ANK2: variants seen among roughly 807,000 people sequenced by gnomAD.
ANK2 encodes the protein ankyrin-2.
A neutral mutation model predicts 360.5 loss-of-function variants in ANK2; 83 were observed. That is an observed-to-expected ratio of 0.23 (90% CI 0.19 to 0.28). The LOEUF (loss-of-function observed/expected upper bound fraction) is 0.28, where lower values mean the gene tolerates loss of function less well. Ranked by LOEUF, ANK2 falls within the 10% of genes least tolerant of loss-of-function variation. The pLI is 1.00. For missense variants in ANK2, 4,201 were observed against 4,795.7 expected (o/e 0.88, Z 3.66); for synonymous variants, 1,740 against 1,759.5 (o/e 0.99, Z 0.28).
intron 1 of ANK2, among the ~76,000 whole-genome samples, chr4:113,094,125 A>G (rs991183313): frequency 1.1e-4 from 16 of 152,224 alleles, no homozygotes; most frequent in African/African-American, 3.9e-4. Context: ...CAGCCAACAC[A>G]TTGAATAAAT....
At chr4:113,017,649 C>T (rs752686556) in intron 2 of ANK2, among the ~76,000 whole-genome samples, 108 of 152,148 alleles carry the variant, frequency 7.1e-4, no homozygotes, top group Admixed American at 9.8e-4. Context: ...ATCATTCACA[C>T]GCAGAATTTT....
intron 1 of ANK2, chr4:112,826,791 T>C: frequency 9.6e-7 from 1 of 1,044,458 alleles, no homozygotes; most frequent in South Asian, 1.4e-5. Context: ...TAAAATTCTG[T>C]TGCTTCAAGC....
chr4:112,884,396 T>G (rs2077668149), intron 1 of ANK2, among the ~76,000 whole-genome samples: 1 of 152,190 alleles, frequency 6.6e-6, no homozygotes, highest in African/African-American at 2.4e-5. Flanking sequence ...ATAGACAATA[T>G]GCAAACAAAT....
intron 41 of ANK2, among the ~76,000 whole-genome samples, chr4:113,365,998 C>G (rs1261217520): frequency 1.3e-5 from 2 of 152,150 alleles, no homozygotes; most frequent in Non-Finnish European, 2.9e-5. Context: ...CTGCAAGTAT[C>G]CCTTTTGGCT....
At chr4:113,376,802 G>GTTTTT (rs36011726) in intron 45 of ANK2, among the ~76,000 whole-genome samples, 24 of 114,170 alleles carry the variant, frequency 2.1e-4, no homozygotes, top group East Asian at 5.1e-4. Flanking sequence ...ACTTTTTAAG[G>GTTTTT]TTTTTTTTTT....
At chr4:112,730,503 G>C in the ANK2 span, among the ~76,000 whole-genome samples, 4 of 150,512 alleles carry the variant, frequency 2.7e-5, no homozygotes, top group African/African-American at 9.8e-5. Flanking sequence ...TGGGTATGGT[G>C]GTGGGCACCA....
the ANK2 span, chr4:112,788,194 G>A: frequency 1.1e-5 from 18 of 1,586,394 alleles, no homozygotes; most frequent in Admixed American, 3.3e-5. Context: ...AGATCTCATC[G>A]TATCTGTCAT....
At chr4:113,306,894 G>A (rs1250421175) in intron 23 of ANK2, among the ~76,000 whole-genome samples, 1 of 152,182 alleles carries the variant, frequency 6.6e-6, no homozygotes, top group Non-Finnish European at 1.5e-5. Context: ...GGAAAAGACA[G>A]AAATGGGAAT....
chr4:112,922,416 C>T (rs1472419021), intron 2 of ANK2, among the ~76,000 whole-genome samples: 1 of 152,160 alleles, frequency 6.6e-6, no homozygotes, highest in Non-Finnish European at 1.5e-5. Context: ...TATTTACCAA[C>T]GATGAAATCC....
intron 1 of ANK2, among the ~76,000 whole-genome samples, chr4:113,139,739 C>T (rs13104234): frequency 0.51 from 77,165 of 151,946 alleles, 19,816 homozygotes; most frequent in Admixed American, 0.59. Context: ...TTGGGCATTG[C>T]GTGGAGTAGC....
chr4:113,058,122 TCACTTCTG>T (rs529270077), intron 1 of ANK2, among the ~76,000 whole-genome samples: 2 of 152,234 alleles, frequency 1.3e-5, no homozygotes, highest in South Asian at 4.1e-4. Flanking sequence ...ACCAACCATT[TCACTTCTG>T]GCCACCTTTC....
At chr4:113,049,595 T>C, upstream of ANK2, 1 of 1,507,704 alleles carries the variant, frequency 6.6e-7, no homozygotes, top group Admixed American at 2.0e-5. Flanking sequence ...TCACCGTCCT[T>C]ACCCTCCCAG....
At chr4:113,312,322 G>A (rs1176816380) in intron 24 of ANK2, among the ~76,000 whole-genome samples, 2 of 151,820 alleles carry the variant, frequency 1.3e-5, no homozygotes, top group African/African-American at 4.8e-5. Flanking sequence ...TCCACGTAGT[G>A]TAATGTGTTC....
intron 1 of ANK2, chr4:113,160,235 A>C (rs934512487): frequency 7.3e-6 from 2 of 274,344 alleles, no homozygotes; most frequent in Non-Finnish European, 1.4e-5. Context: ...GAAACTTAAA[A>C]AAATTAATAA....
chr4:113,118,694 T>C (rs904073157), intron 1 of ANK2, among the ~76,000 whole-genome samples: 3 of 152,210 alleles, frequency 2.0e-5, no homozygotes, highest in African/African-American at 7.2e-5. Flanking sequence ...TTAATTCTTT[T>C]TTTTAGTATC....
At chr4:112,940,678 C>A (rs1340166161) in intron 2 of ANK2, among the ~76,000 whole-genome samples, 2 of 152,122 alleles carry the variant, frequency 1.3e-5, no homozygotes, top group Admixed American at 6.6e-5. Context: ...TGAACCATAA[C>A]TACAATGCTA....
chr4:112,724,316 C>T, the ANK2 span, among the ~76,000 whole-genome samples: 1 of 152,082 alleles, frequency 6.6e-6, no homozygotes, highest in Non-Finnish European at 1.5e-5. Context: ...CCGCCGCCCT[C>T]GGCCTCTCAA....
intron 20 of ANK2, among the ~76,000 whole-genome samples, chr4:113,290,687 T>C (rs1446956097): frequency 6.6e-6 from 1 of 152,204 alleles, no homozygotes; most frequent in Non-Finnish European, 1.5e-5. Flanking sequence ...AAGTGATTGC[T>C]AAAATTTTGA....
chr4:113,050,490 C>T lies in ANK2; in HGVS notation c.84+678C>T, dbSNP rs73843305. The stretch of plus-strand genomic sequence containing the variant: ...ACTGTGGCATACATTCCCACACCCT[C>T]GATTTTCATGGAAATGATAGCAGCG... On this transcript the variant is annotated intron_variant, in intron 1 of 45. Coordinates refer to ENST00000357077, the MANE Select transcript of ANK2 (RefSeq NM_001148.6). Among the ~76,000 whole-genome samples, 595 of 152,184 alleles carry T rather than the reference C, an allele frequency of 3.9e-3. 9 individuals are homozygous for T. Among genetic ancestry groups the T allele is most frequent in the African/African-American group, 0.014 (565 of 41,528 alleles).
Sources: allele counts gnomAD v4.1 joint callset (sites outside exome capture counted in the v4.1 genomes callset), GRCh38; gene constraint gnomAD v4.1.1; transcripts MANE v1.5; gene names NCBI Gene and HGNC (gene_info 2026-07-23, HGNC 2026-07-21).